IL1RAPL2: variants seen among roughly 807,000 people sequenced by gnomAD.
IL1RAPL2 encodes the protein interleukin 1 receptor accessory protein like 2, also known as X-linked interleukin-1 receptor accessory protein-like 2.
In IL1RAPL2, 3 loss-of-function variants were observed where a neutral mutation model predicts 44.1. The ratio of observed to expected loss-of-function variants is 0.07; its 90% CI spans 0.03 to 0.18. The LOEUF (loss-of-function observed/expected upper bound fraction) is 0.18. IL1RAPL2 is among the 10% of genes least tolerant of loss of function. IL1RAPL2 has a pLI of 1.00. For synonymous variants in IL1RAPL2, 181 were observed against 178.8 expected, an observed-to-expected ratio of 1.01 and a Z score of -0.10; for missense variants, 391 against 496.4, an observed-to-expected ratio of 0.79 and a Z score of 2.02.
intron 2 of IL1RAPL2, among the ~76,000 whole-genome samples, chrX:105,168,323 G>A (rs1216683998): frequency 3.6e-5 from 4 of 110,835 alleles, no homozygotes; most frequent in African/African-American, 9.9e-5. Flanking sequence ...CTCTAAATGC[G>A]GGGCTATTCA....
intron 2 of IL1RAPL2, among the ~76,000 whole-genome samples, chrX:104,840,309 A>C (rs916127307): frequency 6.3e-5 from 7 of 111,538 alleles, no homozygotes; most frequent in Non-Finnish European, 1.1e-4. Flanking sequence ...TTCTGCCTTA[A>C]TTTTGTTATT....
In IL1RAPL2 at chrX:104,657,502, C is replaced by A. The variant is rs969001620; in HGVS notation, c.-19-1393C>A. Among the ~76,000 whole-genome samples, 3 of 111,719 alleles carry A rather than the reference C, an allele frequency of 2.7e-5. No homozygotes were observed. In the Admixed American group the frequency reaches 2.9e-4, roughly 11 times the overall value. On this transcript the variant is annotated intron_variant, in intron 1 of 10. Coordinates refer to ENST00000372582, the MANE Select transcript of IL1RAPL2 (RefSeq NM_017416.2). ...ATGGATTAAAGACTTAAATGTTAGA[C>A]CTAAAACCATAAAAACCCTAGAAGA... is the stretch of plus-strand genomic sequence containing the variant.
At chrX:105,475,593 A>C (rs1221611074) in intron 5 of IL1RAPL2, among the ~76,000 whole-genome samples, 1 of 110,087 alleles carries the variant, frequency 9.1e-6, no homozygotes, top group Non-Finnish European at 1.9e-5. Context: ...CATCAACAAT[A>C]TAAGGGTCCA....
chrX:105,583,731 A>T (rs1475687117), intron 6 of IL1RAPL2, among the ~76,000 whole-genome samples: 1 of 109,929 alleles, frequency 9.1e-6, no homozygotes, highest in African/African-American at 3.3e-5. Flanking sequence ...TATTTTCTTG[A>T]TTTCTGTTTC....
intron 2 of IL1RAPL2, among the ~76,000 whole-genome samples, chrX:104,725,007 G>C (rs1931760864): frequency 9.0e-6 from 1 of 111,030 alleles, no homozygotes; most frequent in Admixed American, 9.6e-5. Flanking sequence ...ACTACATTAG[G>C]TATTTCTCCT....
chrX:104,769,989 C>T (rs1367830427), intron 2 of IL1RAPL2, among the ~76,000 whole-genome samples: 1 of 111,547 alleles, frequency 9.0e-6, no homozygotes, highest in Non-Finnish European at 1.9e-5. Context: ...GTCATTAATG[C>T]CCAGTTTTTT....
At chrX:104,599,650 G>T (rs1602637159) in intron 1 of IL1RAPL2, among the ~76,000 whole-genome samples, 1 of 86,173 alleles carries the variant, frequency 1.2e-5, no homozygotes, top group Non-Finnish European at 2.3e-5. Flanking sequence ...GATGGATTTA[G>T]CACACACACA....
At chrX:104,581,740 A>G (rs1241999158) in intron 1 of IL1RAPL2, among the ~76,000 whole-genome samples, 5 of 111,211 alleles carry the variant, frequency 4.5e-5, no homozygotes, top group Non-Finnish European at 9.4e-5. Flanking sequence ...ATACTATACT[A>G]TTCGCTGGGA....
At chrX:104,850,706 T>C (rs1922202284) in intron 2 of IL1RAPL2, among the ~76,000 whole-genome samples, 1 of 111,762 alleles carries the variant, frequency 8.9e-6, no homozygotes, top group Admixed American at 9.6e-5. Flanking sequence ...GAGACTCTTT[T>C]TAAAAAATCT....
intron 7 of IL1RAPL2, among the ~76,000 whole-genome samples, chrX:105,739,675 A>G (rs2038481709): frequency 9.3e-6 from 1 of 107,465 alleles, no homozygotes; most frequent in Admixed American, 1.0e-4. Flanking sequence ...AAAGGACGTG[A>G]ACTCATCATT....
rs1241910529 is a variant in IL1RAPL2, at chrX:104,908,798, C to T, written c.82+249803C>T. 2.8e-5 allele frequency among the ~76,000 whole-genome samples: 3 copies of T among 108,700 alleles called. No homozygotes were observed. In the East Asian group the frequency reaches 8.7e-4, roughly 31 times the overall value. 94.4% of individuals were successfully genotyped at this position (108,700 alleles called of 115,157 possible). Reference sequence around the variant, plus strand: ...TTTTGTGTCTTGGAGTTGCTCTTCTCGAGGAGTATCTTTGTGGCGTTCACT... The same window carrying T: ...TTTTGTGTCTTGGAGTTGCTCTTCTTGAGGAGTATCTTTGTGGCGTTCACT... On this transcript the variant is annotated intron_variant, in intron 2 of 10. Coordinates refer to ENST00000372582, the MANE Select transcript of IL1RAPL2 (RefSeq NM_017416.2).
intron 1 of IL1RAPL2, among the ~76,000 whole-genome samples, chrX:104,601,381 G>GT (rs1928880890): frequency 9.1e-6 from 1 of 109,790 alleles, no homozygotes; most frequent in African/African-American, 3.3e-5. Context: ...GTGGTGTTTG[G>GT]TTTTTTGTCC....
At chrX:105,004,868 T>G (rs1013157857) in intron 2 of IL1RAPL2, among the ~76,000 whole-genome samples, 2 of 111,200 alleles carry the variant, frequency 1.8e-5, no homozygotes, top group African/African-American at 6.5e-5. Context: ...TGATGTTATC[T>G]AAATTCAATT....
At chrX:105,640,344 C>G (rs2037555256) in intron 6 of IL1RAPL2, among the ~76,000 whole-genome samples, 2 of 109,364 alleles carry the variant, frequency 1.8e-5, no homozygotes, top group Admixed American at 2.0e-4. Context: ...GACCCTTCTT[C>G]CATCTCTGTA....
intron 5 of IL1RAPL2, among the ~76,000 whole-genome samples, chrX:105,483,020 G>A (rs1457965773): frequency 2.0e-4 from 21 of 105,172 alleles, no homozygotes; most frequent in Non-Finnish European, 3.1e-4. Context: ...TTTCTTCCAG[G>A]TGCCTCTCAG....
chrX:105,038,581 C>T (rs182182992), intron 2 of IL1RAPL2, among the ~76,000 whole-genome samples: 258 of 108,801 alleles, frequency 2.4e-3, no homozygotes, highest in African/African-American at 7.4e-3. Context: ...AGTATATGTG[C>T]AGGTTTGCTA....
chrX:105,445,533 A>C (rs1214709633), intron 5 of IL1RAPL2, among the ~76,000 whole-genome samples: 1 of 110,756 alleles, frequency 9.0e-6, no homozygotes, highest in Non-Finnish European at 1.9e-5. Context: ...GGGACTTACA[A>C]ATTTTTCTCA....
intron 2 of IL1RAPL2, among the ~76,000 whole-genome samples, chrX:105,191,606 A>C (rs146632264): frequency 8.9e-6 from 1 of 112,371 alleles, no homozygotes; most frequent in Non-Finnish European, 1.9e-5. Flanking sequence ...AGTGATGAGA[A>C]TCTTAAAAAC....
At chrX:105,727,776 C>A (rs1033871227) in intron 7 of IL1RAPL2, among the ~76,000 whole-genome samples, 1 of 111,869 alleles carries the variant, frequency 8.9e-6, no homozygotes, top group Admixed American at 9.5e-5. Flanking sequence ...TACTTCCCAG[C>A]TTACCACATT....
Sources: gnomAD v4.1 joint callset for allele counts (sites outside exome capture counted in the v4.1 genomes callset) on GRCh38, gnomAD v4.1.1 for gene constraint, MANE v1.5 for transcripts, NCBI Gene and HGNC (gene_info 2026-07-23, HGNC 2026-07-21) for gene names.